ZNF710: variants seen among roughly 807,000 people sequenced by gnomAD.
ZNF710 encodes zinc finger protein 710.
Under a neutral mutation model 50.6 loss-of-function variants are expected in ZNF710, and 13 were observed. That is an observed-to-expected ratio of 0.26 (90% CI 0.17 to 0.41). The LOEUF (loss-of-function observed/expected upper bound fraction) is 0.41, where lower values mean the gene tolerates loss of function less well. ZNF710 is among the 10% of genes least tolerant of loss of function. The pLI is 1.00. For synonymous variants in ZNF710, 383 were observed against 397.0 expected (o/e 0.96, Z 0.42); for missense variants, 721 against 936.6 (o/e 0.77, Z 3.01).
intron 1 of ZNF710, among the ~76,000 whole-genome samples, chr15:90,021,018 C>CCCA (rs1555456030): frequency 7.3e-5 from 11 of 150,414 alleles, no homozygotes; most frequent in Non-Finnish European, 1.0e-4. Flanking sequence ...CACCCCCCCC[C>CCCA]CCTTAGCAGC....
chr15:90,060,591 C>T (rs954032782), intron 1 of ZNF710, among the ~76,000 whole-genome samples: 10 of 151,846 alleles, frequency 6.6e-5, no homozygotes, highest in East Asian at 3.9e-4. Flanking sequence ...CAGTAGCTCA[C>T]GCCTGTAATC....
In ZNF710 at chr15:90,059,646, G is replaced by A. The variant is rs1899940937; in HGVS notation, c.-28-7464G>A. Among the ~76,000 whole-genome samples, 1 of 152,062 alleles carries A rather than the reference G, an allele frequency of 6.6e-6. No homozygotes were observed. The highest frequency in any genetic ancestry group is 1.5e-5 in the Non-Finnish European group (1 of 67,992). ...CTTCCCCTGCCCCTCCCCCGTGCCG[G>A]CGGCAGCTCCCTGGGCCTCTGGCTC... is the stretch of plus-strand genomic sequence containing the variant. On this transcript the variant is annotated intron_variant, in intron 1 of 4. Transcript: ENST00000268154. The surrounding 1 kb of genome is among the most constrained non-coding windows in gnomAD (Gnocchi z 4.1).
chr15:90,032,258 A>G (rs1898971132), intron 1 of ZNF710, among the ~76,000 whole-genome samples: 1 of 152,022 alleles, frequency 6.6e-6, no homozygotes, highest in Non-Finnish European at 1.5e-5. Context: ...TCGGTCTCCC[A>G]AAGTGCTGGG....
rs557635035 is a variant in ZNF710, at chr15:90,034,167, C to T, written c.-29+32553C>T. ...GAGCCGAGATCGCATCATTGTACTC[C>T]AGCCTGGGTGACAGAGTGAGACTCT... On this transcript the variant is annotated intron_variant, in intron 1 of 4. Coordinates refer to ENST00000268154, the MANE Select transcript of ZNF710 (RefSeq NM_198526.4). The surrounding 1 kb of genome is among the most constrained non-coding windows in gnomAD (Gnocchi z 4.0). Among the ~76,000 whole-genome samples the T allele has an allele frequency of 1.3e-5, 2 of 151,724 alleles. No individual in the cohort carries two copies. Among genetic ancestry groups the T allele is most frequent in the East Asian group, 3.9e-4 (2 of 5,152 alleles).
intron 1 of ZNF710, among the ~76,000 whole-genome samples, chr15:90,030,794 A>T (rs1342684950): frequency 6.6e-6 from 1 of 152,130 alleles, no homozygotes; most frequent in Admixed American, 6.5e-5. Context: ...AGGCAGGCAG[A>T]TCATGAGGTC....
intron 1 of ZNF710, among the ~76,000 whole-genome samples, chr15:90,058,721 A>ATGTATG (rs1567236953): frequency 0.015 from 2,119 of 144,588 alleles, 103 homozygotes; most frequent in African/African-American, 0.059. Flanking sequence ...ATATATATAC[A>ATGTATG]CACATATACA....
At chr15:90,008,409 CGTGTGTGTGT>C (rs530102600) in intron 1 of ZNF710, among the ~76,000 whole-genome samples, 23 of 130,368 alleles carry the variant, frequency 1.8e-4, no homozygotes, top group African/African-American at 6.6e-4. Context: ...ATATAGTATA[CGTGTGTGTGT>C]GTGTGTGTAT....
At chr15:90,036,949 C>T (rs1165646547) in intron 1 of ZNF710, among the ~76,000 whole-genome samples, 1 of 152,162 alleles carries the variant, frequency 6.6e-6, no homozygotes, top group Non-Finnish European at 1.5e-5. Context: ...ACTTCAAGCA[C>T]ATTTCAAAGA....
intron 1 of ZNF710, among the ~76,000 whole-genome samples, chr15:90,031,423 C>T (rs939095254): frequency 4.6e-5 from 7 of 152,156 alleles, no homozygotes; most frequent in African/African-American, 7.2e-5. Flanking sequence ...GCAAGATCCC[C>T]GGGTGATTCC....
intron 1 of ZNF710, among the ~76,000 whole-genome samples, chr15:90,015,989 C>T (rs1357622277): frequency 2.6e-5 from 4 of 152,134 alleles, no homozygotes; most frequent in African/African-American, 9.7e-5. Context: ...CCAACTAAGA[C>T]ATTTTAAGTG....
chr15:90,068,467 T>A lies in ZNF710; in HGVS notation c.1330T>A (p.Phe444Ile). Residue 444 changes from phenylalanine (F) to isoleucine (I), a missense_variant, in exon 2 of 5, where the codon TTC (phenylalanine) becomes ATC (isoleucine). Around this residue, in one of 3 missense-constraint regions of ZNF710, gnomAD observed 326 missense variants for 522.0 expected, o/e 0.62. Transcript: ENST00000268154. The surrounding 1 kb of genome is among the most constrained non-coding windows in gnomAD (Gnocchi z 5.0). Reference sequence around the variant, plus strand: ...CCAGTGCCTCGAGTGTGACAAGTCCTTCCACTACCGCAGCCAGTTGCAGAA... The same window carrying A: ...CCAGTGCCTCGAGTGTGACAAGTCCATCCACTACCGCAGCCAGTTGCAGAA... ...LYQCLECDKS[F>I]HYRSQLQNHM... The A allele has an allele frequency of 6.2e-7, 1 of 1,614,146 alleles. No individual in the cohort carries two copies. The highest frequency in any genetic ancestry group is 8.5e-7 in the Non-Finnish European group (1 of 1,180,034).
rs530399988 is a variant in ZNF710 at position 90,044,334 on chromosome 15, C to T, written c.-28-22776C>T. Among the ~76,000 whole-genome samples the T allele has an allele frequency of 7.2e-5, 11 of 152,352 alleles. No homozygotes were observed. The East Asian group carries it at 2.1e-3, about 29-fold the overall frequency. On this transcript the variant is annotated intron_variant, in intron 1 of 4. Coordinates refer to ENST00000268154, the MANE Select transcript of ZNF710 (RefSeq NM_198526.4). ...GTGAAGGCAGAGGCGGATGTGGTCCCACGGGCCTCCCCACTCTGGCGGAGC... is the reference window on the plus strand; with the variant it reads ...GTGAAGGCAGAGGCGGATGTGGTCCTACGGGCCTCCCCACTCTGGCGGAGC...
At position 90,070,228 on chromosome 15, in the gene ZNF710, T is replaced by G. The variant is rs116538104; in HGVS notation, c.1458+1633T>G. Among the ~76,000 whole-genome samples the G allele has an allele frequency of 5.1e-3, 767 of 151,612 alleles. 5 individuals are homozygous for G. Among genetic ancestry groups the G allele is most frequent in the African/African-American group, 0.017 (695 of 41,330 alleles). The stretch of plus-strand genomic sequence containing the variant: ...GAAAGAGTCTAGCCAGGCATGGTGC[T>G]GCACACCTGTAGTCCCAGTTACTCA... On this transcript the variant is annotated intron_variant, in intron 2 of 4. Transcript: ENST00000268154.
At chr15:90,047,590 C>CTTT (rs11452913) in intron 1 of ZNF710, among the ~76,000 whole-genome samples, 3,553 of 140,892 alleles carry the variant, frequency 0.025, 137 homozygotes, top group African/African-American at 0.063. Flanking sequence ...TTTCTTTTTT[C>CTTT]TTTTTTTTTT....
rs1900683752 is a variant in ZNF710, at chr15:90,079,994, G to A, written c.*165G>A. 3.1e-6 allele frequency: 2 copies of A among 635,794 alleles called. No homozygotes were observed. Among genetic ancestry groups the A allele is most frequent in the South Asian group, 5.0e-5 (2 of 39,858 alleles). 39.4% of individuals were successfully genotyped at this position (635,794 alleles called of 1,614,324 possible). A position where few individuals can be genotyped will look rare whatever the true frequency, so the allele number is the denominator to read the frequency against. On this transcript the variant is annotated 3_prime_UTR_variant, in exon 5 of 5. Coordinates refer to ENST00000268154, the MANE Select transcript of ZNF710 (RefSeq NM_198526.4). ...ACCACTAGGGACCTTTAGACCAAAT[G>A]GAGACTGTACTACTGGCCCCGGCTG... is the stretch of plus-strand genomic sequence containing the variant.
At chr15:90,025,338 T>A (rs746873863) in intron 1 of ZNF710, 7 of 152,208 alleles carry the variant, frequency 4.6e-5, no homozygotes, top group Non-Finnish European at 1.0e-4. Context: ...CAGCAGAGCA[T>A]GTCTGTGACC....
chr15:90,058,114 C>G (rs1460199202), intron 1 of ZNF710, among the ~76,000 whole-genome samples: 1 of 152,050 alleles, frequency 6.6e-6, no homozygotes, highest in African/African-American at 2.4e-5. Flanking sequence ...GGGAATGGAT[C>G]AAGAGAGCGA....
At position 90,067,419 on chromosome 15, in the gene ZNF710, C is replaced by A; in HGVS notation, c.282C>A (p.His94Gln). The change falls in exon 2 of 5, where the codon CAC becomes CAA. Residue 94 changes from histidine to glutamine, a missense_variant. By Grantham distance (24) the His-to-Gln change is conservative. Coordinates refer to ENST00000268154, the MANE Select transcript of ZNF710 (RefSeq NM_198526.4). This position sits in a 1 kb window ranked among gnomAD's most constrained non-coding sequence, Gnocchi z 8.1. Reference protein sequence around the residue: ...VLEVEAACEKHTRRKTRPPVR... With the variant: ...VLEVEAACEKQTRRKTRPPVR... ...AGGTGGAGGCAGCCTGTGAGAAGCA[C>A]ACCCGGCGGAAGACGCGGCCACCTG... 6.2e-7 allele frequency: 1 copy of A among 1,602,400 alleles called. No homozygotes were observed.
At chr15:90,019,000 A>AT (rs5814408) in intron 1 of ZNF710, among the ~76,000 whole-genome samples, 71,374 of 149,950 alleles carry the variant, frequency 0.48, 17,960 homozygotes, top group Non-Finnish European at 0.56. Flanking sequence ...GCTTTTATTG[A>AT]TTTTTTTTTC....
Sources: allele counts gnomAD v4.1 joint callset (sites outside exome capture counted in the v4.1 genomes callset), GRCh38; gene constraint gnomAD v4.1.1; regional missense constraint gnomAD v4.1.1; non-coding constraint Gnocchi (gnomAD v3.1); transcripts MANE v1.5; gene names NCBI Gene and HGNC (gene_info 2026-07-23, HGNC 2026-07-21).